Variants in PRELID2 observed in about 807,000 individuals in gnomAD.
PRELID2 encodes PRELI domain-containing protein 2.
PRELID2 carries 25 observed loss-of-function variants against 28.4 expected under a neutral mutation model. That is an observed-to-expected ratio of 0.88 (90% CI 0.64 to 1.23). PRELID2 has a LOEUF of 1.23. Ranked by LOEUF, PRELID2 falls within the 50% of genes most tolerant of loss-of-function variation. The pLI is 0.00. For synonymous variants in PRELID2, 76 were observed against 71.6 expected, an observed-to-expected ratio of 1.06 and a Z score of -0.31; for missense variants, 201 against 214.4, an observed-to-expected ratio of 0.94 and a Z score of 0.39.
the PRELID2 span, among the ~76,000 whole-genome samples, chr5:145,288,209 A>C: frequency 6.6e-6 from 1 of 152,176 alleles, no homozygotes; most frequent in Non-Finnish European, 1.5e-5. Flanking sequence ...ACACTTTAAG[A>C]GGTAGAAAGT....
chr5:145,727,421 T>C (rs1460034764), intron 1 of PRELID2, among the ~76,000 whole-genome samples: 2 of 152,184 alleles, frequency 1.3e-5, no homozygotes, highest in East Asian at 1.9e-4. Context: ...TGGACATGTT[T>C]CAAGACTCTT....
the PRELID2 span, among the ~76,000 whole-genome samples, chr5:145,254,039 A>G: frequency 3.9e-5 from 6 of 152,092 alleles, no homozygotes; most frequent in Non-Finnish European, 7.4e-5. Context: ...AACGACAAGA[A>G]GGCAGTGTCA....
chr5:145,743,598 T>C (rs1239817559), intron 1 of PRELID2, among the ~76,000 whole-genome samples: 1 of 43,574 alleles, frequency 2.3e-5, no homozygotes, highest in Non-Finnish European at 5.9e-5. Context: ...ACACGGGGAA[T>C]CCCCACCCCC....
chr5:145,380,512 A>G, the PRELID2 span, among the ~76,000 whole-genome samples: 4,709 of 152,312 alleles, frequency 0.031, 96 homozygotes, highest in Middle Eastern at 0.051. Flanking sequence ...CAGCTCAAAT[A>G]TAACTTCTCA....
the PRELID2 span, chr5:145,229,819 G>C: frequency 1.3e-6 from 1 of 759,482 alleles, no homozygotes; most frequent in Admixed American, 1.7e-5. Context: ...GAATTTGTCC[G>C]CCCCTGCATC....
chr5:145,529,230 C>T (rs952723781), intron 1 of PRELID2, among the ~76,000 whole-genome samples: 2 of 152,160 alleles, frequency 1.3e-5, no homozygotes, highest in African/African-American at 4.8e-5. Flanking sequence ...TAATTGCAGA[C>T]TTAATTACCG....
chr5:145,806,040 T>C (rs1376208752), intron 4 of PRELID2, among the ~76,000 whole-genome samples: 2 of 152,190 alleles, frequency 1.3e-5, no homozygotes, highest in Admixed American at 6.5e-5. Flanking sequence ...GGTGAGTCAA[T>C]GCAAAGGTCT....
At chr5:145,311,893 C>A in the PRELID2 span, among the ~76,000 whole-genome samples, 2 of 151,936 alleles carry the variant, frequency 1.3e-5, no homozygotes, top group African/African-American at 2.4e-5. Flanking sequence ...CCCGTGGTTC[C>A]GCACTTTTAT....
chr5:145,684,955 C>G (rs1371014103), intron 1 of PRELID2, among the ~76,000 whole-genome samples: 2 of 152,156 alleles, frequency 1.3e-5, no homozygotes, highest in Admixed American at 6.5e-5. Flanking sequence ...GGGTATAAGA[C>G]AGATATGAAG....
At position 145,556,352 on chromosome 5, in the gene PRELID2, T is replaced by G. The variant is rs547402560; in HGVS notation, n.71-83037A>C. ...CCTATCGCAGTAAAAGGGAATCACT[T>G]TCTGGCTAGTTGTGTGAGCCAGAAA... On this transcript the variant is annotated intron_variant and non_coding_transcript_variant, in intron 1 of 2. Coordinates refer to the PRELID2 transcript ENST00000510259. Among the ~76,000 whole-genome samples, 5 of 152,292 alleles carry G rather than the reference T, an allele frequency of 3.3e-5. No homozygotes were observed. In the East Asian group the frequency reaches 9.7e-4, roughly 29 times the overall value.
chr5:145,462,003 C>T, the PRELID2 span, among the ~76,000 whole-genome samples: 2 of 152,146 alleles, frequency 1.3e-5, no homozygotes, highest in African/African-American at 4.8e-5. Context: ...GTTATTGCAG[C>T]ACAACCTAGT....
intron 1 of PRELID2, among the ~76,000 whole-genome samples, chr5:145,608,986 G>A (rs1017392497): frequency 6.6e-6 from 1 of 151,934 alleles, no homozygotes; most frequent in African/African-American, 2.4e-5. Flanking sequence ...ATCTTTGTCT[G>A]ACGGAGTTAT....
intron 1 of PRELID2, among the ~76,000 whole-genome samples, chr5:145,721,603 T>C (rs1412628643): frequency 2.6e-5 from 4 of 152,088 alleles, no homozygotes; most frequent in Non-Finnish European, 5.9e-5. Flanking sequence ...AGATCAAACA[T>C]AACAAGGATA....
rs536607756 is a variant in PRELID2 at position 145,665,750 on chromosome 5, T to C, written n.70+99181A>G. ...ATGTTTATTCTTTTTGCACATGCTGTTCTTCTCTGAAGTGGCTTTCCCTAC... is the reference window on the plus strand; with the variant it reads ...ATGTTTATTCTTTTTGCACATGCTGCTCTTCTCTGAAGTGGCTTTCCCTAC... On this transcript the variant is annotated intron_variant and non_coding_transcript_variant, in intron 1 of 2. Coordinates refer to the PRELID2 transcript ENST00000510259. Among the ~76,000 whole-genome samples, 184 of 152,010 alleles carry C rather than the reference T, an allele frequency of 1.2e-3. 2 individuals carry two copies. The highest frequency in any genetic ancestry group is 1.2e-3 in the Non-Finnish European group (81 of 67,956).
At chr5:145,305,155 A>G in the PRELID2 span, among the ~76,000 whole-genome samples, 6 of 152,290 alleles carry the variant, frequency 3.9e-5, no homozygotes, top group East Asian at 1.2e-3. Context: ...GATAGAGAGA[A>G]TAGGATAGGA....
chr5:145,706,237 C>T (rs887801009), intron 1 of PRELID2, among the ~76,000 whole-genome samples: 2 of 152,258 alleles, frequency 1.3e-5, no homozygotes, highest in African/African-American at 2.4e-5. Context: ...AAGCTAGCTC[C>T]GGGTCGCACT....
intron 1 of PRELID2, among the ~76,000 whole-genome samples, chr5:145,563,368 A>G (rs56312873): frequency 0.23 from 34,311 of 152,184 alleles, 6,000 homozygotes; most frequent in African/African-American, 0.5. Context: ...CTGGATCCAC[A>G]CATAACTGGA....
chr5:145,776,781 C>A (rs1025081825), intron 5 of PRELID2, among the ~76,000 whole-genome samples: 4 of 152,190 alleles, frequency 2.6e-5, no homozygotes, highest in African/African-American at 9.7e-5. Context: ...CAGTTGCTAA[C>A]TAAGTGGGGA....
At chr5:145,800,807 C>T (rs1410373683) in intron 4 of PRELID2, among the ~76,000 whole-genome samples, 1 of 152,184 alleles carries the variant, frequency 6.6e-6, no homozygotes, top group Non-Finnish European at 1.5e-5. Context: ...CACTTTCCCT[C>T]AATAACTCAT....
Sources: gnomAD v4.1 joint callset for allele counts (sites outside exome capture counted in the v4.1 genomes callset) on GRCh38, gnomAD v4.1.1 for gene constraint, MANE v1.5 for transcripts, NCBI Gene and HGNC (gene_info 2026-07-23, HGNC 2026-07-21) for gene names.